Variants in DGKB observed in about 807,000 individuals in gnomAD.
The protein encoded by DGKB is 90 kDa diacylglycerol kinase.
A neutral mutation model predicts 114.3 loss-of-function variants in DGKB; 67 were observed. The observed-to-expected ratio is 0.59, with a 90% CI of 0.48 to 0.72. The LOEUF (loss-of-function observed/expected upper bound fraction) is 0.72. Ranked by LOEUF, DGKB falls within the 30% of genes least tolerant of loss-of-function variation. DGKB has a pLI of 0.00. For synonymous variants in DGKB, 398 were observed against 323.1 expected (o/e 1.23, Z -2.49); for missense variants, 907 against 975.2 (o/e 0.93, Z 0.93).
chr7:14,587,975 G>T (rs187667417), intron 17 of DGKB, among the ~76,000 whole-genome samples: 2 of 152,114 alleles, frequency 1.3e-5, no homozygotes, highest in Admixed American at 6.6e-5. Flanking sequence ...TGTCTCCAAG[G>T]TATGCCTGTA....
chr7:14,502,559 T>C (rs567571011), intron 20 of DGKB, among the ~76,000 whole-genome samples: 1 of 152,244 alleles, frequency 6.6e-6, no homozygotes, highest in South Asian at 2.1e-4. Flanking sequence ...TTTATAATTC[T>C]GAAGTACTTT....
chr7:14,408,672 T>G (rs1307237064), intron 21 of DGKB, among the ~76,000 whole-genome samples: 1 of 152,134 alleles, frequency 6.6e-6, no homozygotes, highest in Non-Finnish European at 1.5e-5. Context: ...AATTTCATAT[T>G]TTTGGTTCTT....
At chr7:14,246,472 A>C (rs1339640207) in intron 23 of DGKB, among the ~76,000 whole-genome samples, 28 of 152,176 alleles carry the variant, frequency 1.8e-4, no homozygotes, top group Non-Finnish European at 8.8e-5. Flanking sequence ...ACGGCTTGTC[A>C]GATTGGGCTG....
At chr7:14,655,517 A>G (rs62443684) in intron 13 of DGKB, among the ~76,000 whole-genome samples, 3,241 of 151,940 alleles carry the variant, frequency 0.021, 52 homozygotes, top group South Asian at 0.039. Flanking sequence ...CATATAATCC[A>G]GCAATCCTGT....
chr7:14,466,443 G>C (rs1780484288), intron 21 of DGKB, among the ~76,000 whole-genome samples: 1 of 152,118 alleles, frequency 6.6e-6, no homozygotes, highest in African/African-American at 2.4e-5. Context: ...AGCAAGACCA[G>C]TTAACACCTT....
At chr7:14,510,933 G>GA (rs1389184113) in intron 20 of DGKB, among the ~76,000 whole-genome samples, 1 of 152,192 alleles carries the variant, frequency 6.6e-6, no homozygotes, top group Non-Finnish European at 1.5e-5. Flanking sequence ...TTTCTGAGCA[G>GA]TAGGTCTCAA....
At chr7:14,722,147 T>A (rs1424603502) in intron 5 of DGKB, among the ~76,000 whole-genome samples, 1 of 152,190 alleles carries the variant, frequency 6.6e-6, no homozygotes, top group East Asian at 1.9e-4. Flanking sequence ...ACATTAGGGT[T>A]CTCTTTTTGT....
chr7:14,275,841 C>T lies in DGKB; in HGVS notation c.2122+62674G>A, dbSNP rs186754983. 2.0e-3 allele frequency among the ~76,000 whole-genome samples: 309 copies of T among 152,156 alleles called. 2 individuals carry two copies. Among genetic ancestry groups the T allele is most frequent in the Non-Finnish European group, 8.4e-4 (57 of 67,984 alleles). ...ATGATGATGAGGCCAAATTTTGGCA[C>T]AATGCAAATTTTAAATAACAGAATA... On this transcript the variant is annotated intron_variant, in intron 23 of 25. Coordinates refer to ENST00000402815, the MANE Select transcript of DGKB (RefSeq NM_001350709.2).
chr7:14,847,347 G>A (rs529726871), intron 1 of DGKB, among the ~76,000 whole-genome samples: 4 of 151,318 alleles, frequency 2.6e-5, no homozygotes, highest in South Asian at 2.1e-4. Flanking sequence ...GGTCTCAAAG[G>A]TCATAAACTC....
chr7:14,201,643 G>A (rs931951704), intron 23 of DGKB, among the ~76,000 whole-genome samples: 1 of 151,934 alleles, frequency 6.6e-6, no homozygotes, highest in Non-Finnish European at 1.5e-5. Context: ...AAAGCAAGTA[G>A]GAAAGTAGGA....
At chr7:14,329,734 A>G (rs1224143407) in intron 23 of DGKB, among the ~76,000 whole-genome samples, 2 of 151,972 alleles carry the variant, frequency 1.3e-5, no homozygotes, top group East Asian at 3.8e-4. Context: ...ATCAGGCTTT[A>G]TATTTAGGAA....
chr7:14,555,655 A>G (rs554480118), intron 20 of DGKB, among the ~76,000 whole-genome samples: 69 of 152,304 alleles, frequency 4.5e-4, no homozygotes, highest in African/African-American at 1.2e-3. Context: ...ACAGTTAAGA[A>G]ATTCTAAGTC....
At chr7:14,706,160 G>A (rs1826186375) in intron 6 of DGKB, among the ~76,000 whole-genome samples, 1 of 141,592 alleles carries the variant, frequency 7.1e-6, no homozygotes, top group Admixed American at 7.2e-5. Context: ...GGCAGGGGTT[G>A]CAATCCTAGT....
chr7:14,250,109 C>G (rs1411134130), intron 23 of DGKB, among the ~76,000 whole-genome samples: 1 of 148,268 alleles, frequency 6.7e-6, no homozygotes, highest in Non-Finnish European at 1.5e-5. Flanking sequence ...TGTGGGCTAC[C>G]ACACTTGGCT....
intron 21 of DGKB, among the ~76,000 whole-genome samples, chr7:14,463,275 G>A (rs1833353460): frequency 6.6e-6 from 1 of 151,994 alleles, no homozygotes; most frequent in Non-Finnish European, 1.5e-5. Context: ...GATAGCACTG[G>A]GCATAATACC....
intron 2 of DGKB, among the ~76,000 whole-genome samples, chr7:14,781,054 A>G (rs1387308119): frequency 6.6e-6 from 1 of 152,170 alleles, no homozygotes; most frequent in East Asian, 1.9e-4. Flanking sequence ...TCTTGATTAA[A>G]CATTCCAACT....
At chr7:14,555,207 AT>A in intron 20 of DGKB, among the ~76,000 whole-genome samples, 1 of 152,260 alleles carries the variant, frequency 6.6e-6, no homozygotes, top group South Asian at 2.1e-4. Flanking sequence ...TGTATTGTGC[AT>A]TTTATCCCTC....
intron 23 of DGKB, among the ~76,000 whole-genome samples, chr7:14,221,211 C>G (rs1178548770): frequency 6.6e-6 from 1 of 151,144 alleles, no homozygotes; most frequent in Non-Finnish European, 1.5e-5. Flanking sequence ...GCTGGAACTT[C>G]CAGCACAATG....
At chr7:14,588,060 T>C (rs1801073799) in intron 17 of DGKB, among the ~76,000 whole-genome samples, 1 of 152,046 alleles carries the variant, frequency 6.6e-6, no homozygotes, top group Non-Finnish European at 1.5e-5. Flanking sequence ...CCAGATAACA[T>C]CAATGTTTTT....
Sources: allele counts gnomAD v4.1 joint callset (sites outside exome capture counted in the v4.1 genomes callset), GRCh38; gene constraint gnomAD v4.1.1; transcripts MANE v1.5; gene names NCBI Gene and HGNC (gene_info 2026-07-23, HGNC 2026-07-21).